Variants in ARNT observed in about 807,000 individuals in gnomAD.
The protein encoded by ARNT is aryl hydrocarbon receptor nuclear translocator, also known as class E basic helix-loop-helix protein 2.
In ARNT, 30 loss-of-function variants were observed where a neutral mutation model predicts 105.0. The observed-to-expected ratio is 0.29, with a 90% confidence interval of 0.21 to 0.39. The LOEUF (loss-of-function observed/expected upper bound fraction) is 0.39. Among genes scored for constraint, ARNT ranks in the 10% least tolerant of loss-of-function variants. ARNT has a pLI of 1.00. For missense variants in ARNT, 748 were observed against 978.7 expected, an observed-to-expected ratio of 0.76 and a Z score of 3.15; for synonymous variants, 304 against 344.0, an observed-to-expected ratio of 0.88 and a Z score of 1.29.
chr1:150,816,509 C>A, intron 18 of ARNT, 103 bp from the exon 19 acceptor site: 1 of 1,372,862 alleles, frequency 7.3e-7, no homozygotes, highest in South Asian at 1.5e-5. Context: ...CCTTGACTTC[C>A]TGCAGGTTAA....
At chr1:150,818,962 T>C (rs1219629252) in intron 14 of ARNT, among the ~76,000 whole-genome samples, 2 of 152,108 alleles carry the variant, frequency 1.3e-5, no homozygotes, top group African/African-American at 4.8e-5. Flanking sequence ...AGAACTACAA[T>C]GACCATGACC....
At chr1:150,828,350 G>GTTT (rs10531895) in intron 12 of ARNT, among the ~76,000 whole-genome samples, 1 of 115,570 alleles carries the variant, frequency 8.7e-6, no homozygotes, top group African/African-American at 3.0e-5. Context: ...TTTTTTTTTT[G>GTTT]TTTTTTTTTT....
intron 3 of ARNT, among the ~76,000 whole-genome samples, chr1:150,850,526 C>G (rs112263106): frequency 7.2e-5 from 11 of 152,232 alleles, no homozygotes; most frequent in Admixed American, 5.9e-4. Flanking sequence ...GTGAGTGATC[C>G]GCCAGCCTCG....
chr1:150,847,571 T>G (rs1259620052), intron 3 of ARNT, among the ~76,000 whole-genome samples: 6 of 152,202 alleles, frequency 3.9e-5, no homozygotes, highest in Non-Finnish European at 8.8e-5. Context: ...TGGATCTGCA[T>G]GTAGTTGTGA....
At chr1:150,838,350 A>G (rs1426226349) in intron 6 of ARNT, among the ~76,000 whole-genome samples, 1 of 152,124 alleles carries the variant, frequency 6.6e-6, no homozygotes, top group African/African-American at 2.4e-5. Context: ...TCTATGTTTA[A>G]TTTATTTATT....
intron 3 of ARNT, among the ~76,000 whole-genome samples, chr1:150,850,771 C>T (rs1187152557): frequency 1.3e-5 from 2 of 151,738 alleles, no homozygotes; most frequent in Non-Finnish European, 2.9e-5. Context: ...AGCCCCTCTG[C>T]CCGGCTGCCC....
intron 13 of ARNT, among the ~76,000 whole-genome samples, chr1:150,825,044 T>G (rs1657921235): frequency 6.6e-6 from 1 of 151,700 alleles, no homozygotes; most frequent in Admixed American, 6.6e-5. Context: ...GTATTTTTAG[T>G]AGAGACAGGG....
At chr1:150,855,003 C>T (rs1664334905) in intron 2 of ARNT, among the ~76,000 whole-genome samples, 1 of 151,958 alleles carries the variant, frequency 6.6e-6, no homozygotes, top group Admixed American at 6.6e-5. Flanking sequence ...GCCATTTTCC[C>T]CAGGCTGGTC....
At chr1:150,876,315 C>T (rs974438261) in intron 1 of ARNT, among the ~76,000 whole-genome samples, 3 of 152,142 alleles carry the variant, frequency 2.0e-5, no homozygotes, top group African/African-American at 7.2e-5. Flanking sequence ...ACAGGGAGCC[C>T]CCCTCAACTC....
intron 8 of ARNT, among the ~76,000 whole-genome samples, chr1:150,832,714 G>A (rs1457483676): frequency 6.6e-6 from 1 of 152,136 alleles, no homozygotes; most frequent in Non-Finnish European, 1.5e-5. Context: ...GTCAACTCTA[G>A]CATTATAGCA....
At chr1:150,870,708 C>T (rs930247273) in intron 1 of ARNT, among the ~76,000 whole-genome samples, 1 of 151,866 alleles carries the variant, frequency 6.6e-6, no homozygotes, top group Admixed American at 6.6e-5. Context: ...GGGGTTTCAC[C>T]ACGTTGCCCA....
chr1:150,865,043 A>T (rs587762160), intron 1 of ARNT, among the ~76,000 whole-genome samples: 2 of 152,036 alleles, frequency 1.3e-5, no homozygotes, highest in South Asian at 4.1e-4. Flanking sequence ...AATATAAATT[A>T]AAATTAATCT....
At position 150,846,256 on chromosome 1, in the gene ARNT, A is replaced by AT; in HGVS notation, c.227+6dup. ...ATATTACAATATATTACCTACTACAATATTACCTGGCAAACCGCTCCTTAT... is the reference window on the plus strand; with the variant it reads ...ATATTACAATATATTACCTACTACAATTATTACCTGGCAAACCGCTCCTTAT... On this transcript the variant is annotated splice_region_variant and intron_variant, in intron 4 of 21. Coordinates refer to ENST00000358595, the MANE Select transcript of ARNT (RefSeq NM_001668.4). 1 of 1,608,444 alleles carries AT rather than the reference A, an allele frequency of 6.2e-7. No individual in the cohort carries two copies. The highest frequency in any genetic ancestry group is 8.5e-7 in the Non-Finnish European group (1 of 1,174,940).
At position 150,811,938 on chromosome 1, in the gene ARNT, T is replaced by G; in HGVS notation, c.*83A>C. The G allele has an allele frequency of 8.8e-7, 1 of 1,135,610 alleles. No individual in the cohort carries two copies. Among genetic ancestry groups the G allele is most frequent in the Non-Finnish European group, 1.2e-6 (1 of 834,490 alleles). The allele number at this position is 1,135,610 out of a possible 1,614,324, so 70.3% of individuals were successfully genotyped here. A position where few individuals can be genotyped will look rare whatever the true frequency, so the allele number is the denominator to read the frequency against. ...GAGGGAAGGGAAGGGAGAGGAACTT[T>G]TATTCTGTTTACAGAAAGATTTGCT... On this transcript the variant is annotated 3_prime_UTR_variant, in exon 22 of 22. Transcript: ENST00000358595.
chr1:150,815,598 G>A (rs587613405), intron 19 of ARNT, among the ~76,000 whole-genome samples: 2 of 150,112 alleles, frequency 1.3e-5, no homozygotes, highest in African/African-American at 2.5e-5. Flanking sequence ...GGTGGCTCAC[G>A]CCTGTAATCC....
At position 150,813,171 on chromosome 1, in the gene ARNT, C is replaced by A. The variant is rs1281232165; in HGVS notation, c.2280+1G>T. ...TTTTGAAAGTCTTTTCACTCTCTTA[C>A]CTGGAAGACCTCAGGCTGGCCAGGT... On this transcript the variant is annotated splice_donor_variant, in intron 21 of 21. Coordinates refer to ENST00000358595, the MANE Select transcript of ARNT (RefSeq NM_001668.4). LOFTEE classifies it high-confidence loss of function. The A allele has an allele frequency of 1.2e-6, 2 of 1,612,330 alleles. No individual in the cohort carries two copies. Among genetic ancestry groups the A allele is most frequent in the East Asian group, 2.2e-5 (1 of 44,832 alleles).
In ARNT at chr1:150,832,397, C is replaced by T. The variant is rs1659507688; in HGVS notation, c.806G>A (p.Cys269Tyr). The change falls in exon 9 of 22, where the codon TGT becomes TAT. Residue 269 changes from cysteine to tyrosine, a missense_variant and splice_region_variant. By Grantham distance (194) the Cys-to-Tyr change is radical. Around this residue, in one of 4 missense-constraint regions of ARNT, gnomAD observed 291 missense variants for 444.6 expected, o/e 0.65. Coordinates refer to ENST00000358595, the MANE Select transcript of ARNT (RefSeq NM_001668.4). ...SRRSFICRMR[C>Y]GSSSVDPVSV... The stretch of plus-strand genomic sequence containing the variant: ...AACTGGGTCCACAGAGCTACTGCCA[C>T]ACCTGTTTCAAGGAATAAAGAGATT... 3 of 1,614,030 alleles carry T rather than the reference C, an allele frequency of 1.9e-6. No homozygotes were observed. Among genetic ancestry groups the T allele is most frequent in the African/African-American group, 2.7e-5 (2 of 74,912 alleles).
At chr1:150,816,655 G>T in intron 18 of ARNT, 133 bp downstream of exon 18, 1 of 1,077,342 alleles carries the variant, frequency 9.3e-7, no homozygotes, top group Non-Finnish European at 1.3e-6. Flanking sequence ...CAGCTTGTTT[G>T]CCTCACGCTA....
At position 150,811,975 on chromosome 1, in the gene ARNT, AAC is replaced by A. The variant is rs1462496804; in HGVS notation, c.*44_*45del. The A allele has an allele frequency of 7.3e-7, 1 of 1,375,498 alleles. No homozygotes were observed. Among genetic ancestry groups the A allele is most frequent in the Non-Finnish European group, 9.7e-7 (1 of 1,036,088 alleles). 85.2% of individuals were successfully genotyped at this position (1,375,498 alleles called of 1,614,324 possible). On this transcript the variant is annotated 3_prime_UTR_variant, in exon 22 of 22. Coordinates refer to ENST00000358595, the MANE Select transcript of ARNT (RefSeq NM_001668.4). ...CAGAAAGATTTGCTTTTTAAAAACA[AAC>A]AGTGATTTTTTCTCCCCCACCCCTT...
Sources: gnomAD v4.1 joint callset for allele counts (sites outside exome capture counted in the v4.1 genomes callset) on GRCh38, gnomAD v4.1.1 for gene constraint, gnomAD v4.1.1 regional missense constraint, MANE v1.5 for transcripts, NCBI Gene and HGNC (gene_info 2026-07-23, HGNC 2026-07-21) for gene names.